The following CACNA2D3 variants were observed in gnomAD, a reference collection of about 807,000 sequenced individuals.
CACNA2D3 encodes the protein voltage-dependent calcium channel subunit alpha-2/delta-3.
A neutral mutation model predicts 160.6 loss-of-function variants in CACNA2D3; 60 were observed. The ratio of observed to expected loss-of-function variants is 0.37; its 90% CI spans 0.30 to 0.46. CACNA2D3 has a LOEUF of 0.46. Ranked by LOEUF, CACNA2D3 falls within the 20% of genes least tolerant of loss-of-function variation. The probability of loss-of-function intolerance (pLI) is 1.00; values close to 1 mark genes in which losing one functional copy is unlikely to be tolerated. For synonymous variants in CACNA2D3, 558 were observed against 492.9 expected, an observed-to-expected ratio of 1.13 and a Z score of -1.75; for missense variants, 1,205 against 1,365.0, an observed-to-expected ratio of 0.88 and a Z score of 1.85.
intron 4 of CACNA2D3, among the ~76,000 whole-genome samples, chr3:54,443,400 G>A (rs889610955): frequency 2.0e-5 from 3 of 152,148 alleles, no homozygotes; most frequent in Non-Finnish European, 4.4e-5. Context: ...TTAGATTGTG[G>A]TACATTTGTT....
chr3:54,363,740 C>T (rs982130521), intron 3 of CACNA2D3, among the ~76,000 whole-genome samples: 2 of 152,160 alleles, frequency 1.3e-5, no homozygotes, highest in Non-Finnish European at 2.9e-5. Flanking sequence ...ATCACCAAAA[C>T]CCACAGTAAG....
intron 5 of CACNA2D3, among the ~76,000 whole-genome samples, chr3:54,543,859 A>G (rs1158756001): frequency 2.6e-5 from 4 of 152,188 alleles, no homozygotes; most frequent in Non-Finnish European, 5.9e-5. Flanking sequence ...CATCTGTTAT[A>G]TATTTCCATG....
intron 2 of CACNA2D3, among the ~76,000 whole-genome samples, chr3:54,279,548 A>G (rs962513393): frequency 1.3e-5 from 2 of 152,170 alleles, no homozygotes; most frequent in African/African-American, 4.8e-5. Flanking sequence ...TGGAGCTTTC[A>G]TTTAAATGCC....
At chr3:54,679,426 G>A (rs1700302746) in intron 11 of CACNA2D3, among the ~76,000 whole-genome samples, 1 of 152,206 alleles carries the variant, frequency 6.6e-6, no homozygotes, top group Admixed American at 6.5e-5. Context: ...GCCTACTGAG[G>A]CAGCGACTGA....
intron 11 of CACNA2D3, among the ~76,000 whole-genome samples, chr3:54,722,280 A>G (rs1701183019): frequency 6.6e-6 from 1 of 152,164 alleles, no homozygotes; most frequent in Non-Finnish European, 1.5e-5. Context: ...TATGTTCTCT[A>G]CACTGGTTAT....
Position 54,752,879 on chromosome 3 carries a change from T to C in CACNA2D3, c.1246+202T>C, listed in dbSNP as rs1163675364. On this transcript the variant is annotated intron_variant, in intron 12 of 37. Coordinates refer to ENST00000474759, the MANE Select transcript of CACNA2D3 (RefSeq NM_018398.3). ...TCTTTTTTTTTTTATTTTTTTTTTG[T>C]GGACAGAATCTTGCTCTGTTGCCCA... is the stretch of plus-strand genomic sequence containing the variant. Among the ~76,000 whole-genome samples, 3 of 147,810 alleles carry C rather than the reference T, an allele frequency of 2.0e-5. No homozygotes were observed. The Admixed American group carries it at 2.0e-4, about 10-fold the overall frequency.
chr3:54,891,896 G>T (rs551471227), intron 25 of CACNA2D3, among the ~76,000 whole-genome samples: 1 of 152,186 alleles, frequency 6.6e-6, no homozygotes, highest in Non-Finnish European at 1.5e-5. Flanking sequence ...ATAAACCTCT[G>T]CCTCTGTGCT....
chr3:54,598,055 C>G (rs1465097905), intron 9 of CACNA2D3, among the ~76,000 whole-genome samples: 1 of 151,452 alleles, frequency 6.6e-6, no homozygotes, highest in Non-Finnish European at 1.5e-5. Flanking sequence ...TTTGGGAAGC[C>G]CAGGTGGGTG....
intron 11 of CACNA2D3, among the ~76,000 whole-genome samples, chr3:54,733,759 G>A (rs185650267): frequency 7.2e-5 from 11 of 152,272 alleles, no homozygotes; most frequent in Admixed American, 3.3e-4. Context: ...AAACTTAAAG[G>A]CAGTATAATA....
chr3:54,658,772 TC>T (rs371519037), intron 11 of CACNA2D3, among the ~76,000 whole-genome samples: 2 of 151,174 alleles, frequency 1.3e-5, no homozygotes, highest in Non-Finnish European at 2.9e-5. Flanking sequence ...GTACCAAAGA[TC>T]CCCCCAAACC....
intron 2 of CACNA2D3, among the ~76,000 whole-genome samples, chr3:54,232,764 A>G (rs768432230): frequency 1.6e-4 from 25 of 152,202 alleles, no homozygotes; most frequent in Non-Finnish European, 3.1e-4. Flanking sequence ...GTGGCACAGG[A>G]GGCTATAACA....
intron 5 of CACNA2D3, among the ~76,000 whole-genome samples, chr3:54,511,938 A>T (rs1701466102): frequency 6.6e-6 from 1 of 152,174 alleles, no homozygotes; most frequent in Non-Finnish European, 1.5e-5. Context: ...GCACCGTGAA[A>T]ATTGCAGCAG....
intron 21 of CACNA2D3, 65 bp from the exon 22 acceptor site, chr3:54,885,216 T>G (rs1008917908): frequency 6.4e-7 from 1 of 1,568,496 alleles, no homozygotes; most frequent in Non-Finnish European, 8.8e-7. Flanking sequence ...CCTAGAATAT[T>G]TGAAGCACAC....
intron 4 of CACNA2D3, among the ~76,000 whole-genome samples, chr3:54,414,991 A>C (rs1231281244): frequency 6.6e-6 from 1 of 152,106 alleles, no homozygotes; most frequent in Non-Finnish European, 1.5e-5. Flanking sequence ...TTACATACAC[A>C]GTGTGATTGC....
At chr3:54,319,318 A>G (rs1703939072) in intron 2 of CACNA2D3, among the ~76,000 whole-genome samples, 1 of 152,162 alleles carries the variant, frequency 6.6e-6, no homozygotes, top group Non-Finnish European at 1.5e-5. Flanking sequence ...TCTGCCATTA[A>G]AATGTAATAC....
intron 8 of CACNA2D3, among the ~76,000 whole-genome samples, chr3:54,571,293 G>A (rs1702492618): frequency 6.6e-6 from 1 of 152,092 alleles, no homozygotes; most frequent in Non-Finnish European, 1.5e-5. Context: ...TTTCTTATCA[G>A]ACTTAAAGTC....
intron 5 of CACNA2D3, among the ~76,000 whole-genome samples, chr3:54,556,567 C>T (rs1188927465): frequency 2.0e-5 from 3 of 152,146 alleles, no homozygotes; most frequent in African/African-American, 7.2e-5. Flanking sequence ...TATTTTGCCA[C>T]AGCTGCTACA....
intron 11 of CACNA2D3, among the ~76,000 whole-genome samples, chr3:54,680,971 A>G (rs1369462680): frequency 1.3e-5 from 2 of 152,164 alleles, no homozygotes; most frequent in Non-Finnish European, 2.9e-5. Flanking sequence ...TTCTTAAGCC[A>G]TGGAATGTTG....
intron 2 of CACNA2D3, among the ~76,000 whole-genome samples, chr3:54,206,115 G>A (rs1701272287): frequency 6.6e-6 from 1 of 152,216 alleles, no homozygotes; most frequent in South Asian, 2.1e-4. Flanking sequence ...CGAAGATGGT[G>A]CACCTTAGTT....
Sources: gnomAD v4.1 joint callset for allele counts (sites outside exome capture counted in the v4.1 genomes callset) on GRCh38, gnomAD v4.1.1 for gene constraint, MANE v1.5 for transcripts, NCBI Gene and HGNC (gene_info 2026-07-23, HGNC 2026-07-21) for gene names.